The following MTHFD1 variants were observed in gnomAD, a reference collection of about 807,000 sequenced individuals.
MTHFD1 encodes the protein methylenetetrahydrofolate dehydrogenase, cyclohydrolase and formyltetrahydrofolate synthetase 1, also known as C-1-tetrahydrofolate synthase, cytoplasmic.
Under a neutral mutation model 110.3 loss-of-function variants are expected in MTHFD1, and 44 were observed. The ratio of observed to expected loss-of-function variants is 0.40; its 90% CI spans 0.31 to 0.51. The LOEUF is 0.51. Ranked by LOEUF, MTHFD1 falls within the 20% of genes least tolerant of loss-of-function variation. The pLI is 0.60. For missense variants in MTHFD1, 909 were observed against 1,173.1 expected, an observed-to-expected ratio of 0.77 and a Z score of 3.29; for synonymous variants, 402 against 428.8, an observed-to-expected ratio of 0.94 and a Z score of 0.77.
At chr14:64,393,784 C>T (rs1463984250) in intron 1 of MTHFD1, among the ~76,000 whole-genome samples, 1 of 152,110 alleles carries the variant, frequency 6.6e-6, no homozygotes, top group Non-Finnish European at 1.5e-5. Flanking sequence ...CATGAAGAAT[C>T]TTCTAGAAGG....
At chr14:64,418,412 C>G (rs576863517) in intron 7 of MTHFD1, among the ~76,000 whole-genome samples, 49 of 147,774 alleles carry the variant, frequency 3.3e-4, no homozygotes, top group African/African-American at 1.1e-3. Context: ...GATCACACCA[C>G]TGCACTCCAG....
intron 8 of MTHFD1, among the ~76,000 whole-genome samples, chr14:64,421,648 G>T (rs2140960617): frequency 6.7e-6 from 1 of 149,810 alleles, no homozygotes; most frequent in African/African-American, 2.5e-5. Flanking sequence ...TCTTGAGACG[G>T]AGTCTCGCTC....
intron 10 of MTHFD1, 90 bp downstream of exon 10, chr14:64,425,917 G>A (rs1264153956): frequency 1.3e-6 from 2 of 1,568,972 alleles, no homozygotes; most frequent in African/African-American, 2.7e-5. Flanking sequence ...TCCCTCTGAA[G>A]GTGCCTTCAG....
chr14:64,393,330 A>T (rs764642859), intron 1 of MTHFD1, among the ~76,000 whole-genome samples: 6 of 151,964 alleles, frequency 3.9e-5, no homozygotes, highest in Non-Finnish European at 5.9e-5. Context: ...ACCTGGGAGG[A>T]GGAGGTTGCA....
intron 4 of MTHFD1, 93 bp downstream of exon 4, chr14:64,412,618 G>T: frequency 1.2e-6 from 1 of 829,184 alleles, no homozygotes; most frequent in East Asian, 2.5e-5. Context: ...GACACATTTA[G>T]CCAAGACCTC....
intron 16 of MTHFD1, among the ~76,000 whole-genome samples, chr14:64,437,196 A>G (rs2078212654): frequency 6.6e-6 from 1 of 152,126 alleles, no homozygotes; most frequent in African/African-American, 2.4e-5. Flanking sequence ...ATTTTGAAAT[A>G]GAAAACATCT....
At chr14:64,425,367 C>T (rs536422729) in intron 9 of MTHFD1, among the ~76,000 whole-genome samples, 9 of 152,012 alleles carry the variant, frequency 5.9e-5, no homozygotes, top group African/African-American at 9.7e-5. Context: ...TGTGCACCAC[C>T]ACGCCCGGCG....
chr14:64,459,838 G>A lies in MTHFD1; in HGVS notation c.*84G>A, dbSNP rs1168091193. The A allele has an allele frequency of 6.5e-7, 1 of 1,536,074 alleles. No individual in the cohort carries two copies. Among genetic ancestry groups the A allele is most frequent in the African/African-American group, 1.4e-5 (1 of 73,170 alleles). On this transcript the variant is annotated 3_prime_UTR_variant, in exon 28 of 28. Coordinates refer to ENST00000652337, the MANE Select transcript of MTHFD1 (RefSeq NM_005956.4). ...GCCCACTGGGAGTTAGGAAGTATAAGTAAGCCAAGAGAAGTCAGCCCCTGC... is the reference window on the plus strand; with the variant it reads ...GCCCACTGGGAGTTAGGAAGTATAAATAAGCCAAGAGAAGTCAGCCCCTGC...
chr14:64,450,171 C>T (rs921005221), intron 24 of MTHFD1, among the ~76,000 whole-genome samples: 1 of 152,288 alleles, frequency 6.6e-6, no homozygotes, highest in East Asian at 1.9e-4. Context: ...GAGGGGGAAC[C>T]GTTGCTCATA....
chr14:64,423,451 G>A lies in MTHFD1; in HGVS notation c.728-1353G>A, dbSNP rs190613119. On this transcript the variant is annotated intron_variant, in intron 8 of 27. Coordinates refer to ENST00000652337, the MANE Select transcript of MTHFD1 (RefSeq NM_005956.4). Reference sequence around the variant, plus strand: ...GACGGAGTTTCGCTCTTGTTGCCCAGGCTGGAGTGGAATGCTCACTGCAGC... The same window carrying A: ...GACGGAGTTTCGCTCTTGTTGCCCAAGCTGGAGTGGAATGCTCACTGCAGC... Among the ~76,000 whole-genome samples the A allele has an allele frequency of 2.7e-3, 415 of 152,140 alleles. 4 individuals carry two copies. The highest frequency in any genetic ancestry group is 9.4e-3 in the African/African-American group (389 of 41,528).
At chr14:64,406,475 C>T (rs972036617) in intron 2 of MTHFD1, among the ~76,000 whole-genome samples, 2 of 147,222 alleles carry the variant, frequency 1.4e-5, no homozygotes, top group Non-Finnish European at 3.0e-5. Context: ...GATTTTGGAG[C>T]ATTTTTTATT....
At chr14:64,427,683 G>A (rs1444711068) in intron 12 of MTHFD1, among the ~76,000 whole-genome samples, 2 of 152,212 alleles carry the variant, frequency 1.3e-5, no homozygotes. Flanking sequence ...ACTGCACAGG[G>A]ATTCTCTGGG....
rs1282401671 is a variant in MTHFD1 at position 64,430,172 on chromosome 14, C to T, written c.1265-12C>T. 6.2e-7 allele frequency: 1 copy of T among 1,613,440 alleles called. No homozygotes were observed. The highest frequency in any genetic ancestry group is 8.5e-7 in the Non-Finnish European group (1 of 1,179,802). ...TGCTTAACTGAGCTTCCACCCTTGA[C>T]CTGTCCCCTAGGTGGCGCTGCAGGA... On this transcript the variant is annotated splice_polypyrimidine_tract_variant and intron_variant, in intron 12 of 27. Transcript: ENST00000652337.
At chr14:64,403,893 G>T (rs2077918553) in intron 2 of MTHFD1, among the ~76,000 whole-genome samples, 1 of 152,170 alleles carries the variant, frequency 6.6e-6, no homozygotes. Flanking sequence ...TTCATCAAGG[G>T]TGGTCCTAGT....
At chr14:64,423,729 A>G (rs530570660) in intron 8 of MTHFD1, among the ~76,000 whole-genome samples, 1 of 149,008 alleles carries the variant, frequency 6.7e-6, no homozygotes, top group African/African-American at 2.5e-5. Context: ...TGCTACAGCT[A>G]ATCTCTTTTT....
At chr14:64,440,539 A>G (rs549521914) in intron 18 of MTHFD1, 3 of 469,624 alleles carry the variant, frequency 6.4e-6, no homozygotes, top group South Asian at 2.0e-5. Context: ...AAGTGGGTGT[A>G]TGACTTCAAT....
At chr14:64,416,589 T>G (rs1417576618) in intron 6 of MTHFD1, among the ~76,000 whole-genome samples, 1 of 152,182 alleles carries the variant, frequency 6.6e-6, no homozygotes, top group East Asian at 1.9e-4. Flanking sequence ...AGGTTATTTT[T>G]TACAAGGAAA....
At position 64,449,669 on chromosome 14, in the gene MTHFD1, A is replaced by G. The variant is rs746452506; in HGVS notation, c.2457+47A>G. The G allele has an allele frequency of 6.2e-6, 10 of 1,601,174 alleles. No individual in the cohort carries two copies. The East Asian group carries it at 6.7e-5, about 11-fold the overall frequency. ...AAAAAAGAAAAAAGACGAAAAGGGCACAGTGAAGTTTCTGTGTGGCTACTT... is the reference window on the plus strand; with the variant it reads ...AAAAAAGAAAAAAGACGAAAAGGGCGCAGTGAAGTTTCTGTGTGGCTACTT... On this transcript the variant is annotated intron_variant, in intron 24 of 27. Coordinates refer to ENST00000652337, the MANE Select transcript of MTHFD1 (RefSeq NM_005956.4).
intron 26 of MTHFD1, among the ~76,000 whole-genome samples, chr14:64,455,668 A>G (rs1415668974): frequency 2.6e-5 from 4 of 152,232 alleles, no homozygotes; most frequent in African/African-American, 9.6e-5. Context: ...AAACCAACAT[A>G]CATCCTTTTG....
Sources: gnomAD v4.1 joint callset for allele counts (sites outside exome capture counted in the v4.1 genomes callset) on GRCh38, gnomAD v4.1.1 for gene constraint, MANE v1.5 for transcripts, NCBI Gene and HGNC (gene_info 2026-07-23, HGNC 2026-07-21) for gene names.